The following DCC variants were observed in gnomAD, a reference collection of about 807,000 sequenced individuals.
DCC encodes netrin receptor DCC.
Under a neutral mutation model 172.5 loss-of-function variants are expected in DCC, and 58 were observed. That is an observed-to-expected ratio of 0.34 (90% CI 0.27 to 0.42). The LOEUF (loss-of-function observed/expected upper bound fraction) is 0.42, where lower values mean the gene tolerates loss of function less well. DCC is among the 10% of genes least tolerant of loss of function. The pLI, the probability that DCC is intolerant of heterozygous loss-of-function variation, is 1.00. For synonymous variants in DCC, 709 were observed against 644.5 expected, an observed-to-expected ratio of 1.10 and a Z score of -1.52; for missense variants, 1,740 against 1,791.0, an observed-to-expected ratio of 0.97 and a Z score of 0.51.
intron 5 of DCC, among the ~76,000 whole-genome samples, chr18:53,002,202 A>G (rs902574396): frequency 6.6e-6 from 1 of 152,070 alleles, no homozygotes; most frequent in Non-Finnish European, 1.5e-5. Context: ...ATACAGCAAA[A>G]AGTTTTCTGG....
chr18:52,846,149 A>G (rs1014851584), intron 2 of DCC, among the ~76,000 whole-genome samples: 1 of 152,212 alleles, frequency 6.6e-6, no homozygotes, highest in Non-Finnish European at 1.5e-5. Flanking sequence ...CTCCTCTCAC[A>G]GGAAGCATGG....
chr18:53,042,485 G>A (rs1237721716), intron 5 of DCC, among the ~76,000 whole-genome samples: 2 of 151,812 alleles, frequency 1.3e-5, no homozygotes, highest in African/African-American at 4.8e-5. Flanking sequence ...TTGTATCTCT[G>A]CCAGGTTTTG....
At position 53,416,511 on chromosome 18, in the gene DCC, T is replaced by C. The variant is rs931830796; in HGVS notation, c.3163+355T>C. The C allele has an allele frequency of 3.2e-5, 12 of 373,852 alleles. 1 individual carries two copies. Among genetic ancestry groups the C allele is most frequent in the South Asian group, 2.9e-4 (12 of 40,704 alleles). 23.2% of individuals were successfully genotyped at this position (373,852 alleles called of 1,614,324 possible). On this transcript the variant is annotated intron_variant, in intron 21 of 28. Transcript: ENST00000442544. ...TTCAAGCTGCTCTTGCACCCTTTCCTGAGCTATGGATTAAAGTTCTGTAGC... is the reference window on the plus strand; with the variant it reads ...TTCAAGCTGCTCTTGCACCCTTTCCCGAGCTATGGATTAAAGTTCTGTAGC...
At chr18:52,400,201 C>T (rs527861101) in intron 1 of DCC, among the ~76,000 whole-genome samples, 15 of 152,032 alleles carry the variant, frequency 9.9e-5, no homozygotes, top group South Asian at 6.2e-4. Context: ...GTATGTTCAT[C>T]CTGTCAATTC....
intron 1 of DCC, among the ~76,000 whole-genome samples, chr18:52,498,060 A>G (rs1409197208): frequency 6.6e-6 from 1 of 152,202 alleles, no homozygotes; most frequent in African/African-American, 2.4e-5. Flanking sequence ...GCTATAATAA[A>G]ACTTCACTTA....
chr18:53,231,226 T>G (rs1369240214), intron 12 of DCC, among the ~76,000 whole-genome samples: 1 of 152,092 alleles, frequency 6.6e-6, no homozygotes, highest in African/African-American at 2.4e-5. Flanking sequence ...AAGGAAGAAG[T>G]ATCTATCATG....
chr18:52,963,858 GCAT>G (rs1242097947), intron 5 of DCC, among the ~76,000 whole-genome samples: 2 of 150,358 alleles, frequency 1.3e-5, no homozygotes, highest in African/African-American at 4.9e-5. Context: ...AACTCTCAGA[GCAT>G]CATCAAGTGT....
At chr18:52,561,585 A>G (rs1328093629) in intron 1 of DCC, among the ~76,000 whole-genome samples, 2 of 152,170 alleles carry the variant, frequency 1.3e-5, no homozygotes, top group Non-Finnish European at 2.9e-5. Context: ...GCGAATGTGG[A>G]AACACTAAGT....
intron 1 of DCC, among the ~76,000 whole-genome samples, chr18:52,342,605 G>C (rs1225757939): frequency 6.6e-6 from 1 of 152,172 alleles, no homozygotes; most frequent in African/African-American, 2.4e-5. Flanking sequence ...AGCAGTTTGG[G>C]AGACCTATGC....
At chr18:53,201,133 A>T (rs558730421) in intron 9 of DCC, among the ~76,000 whole-genome samples, 1 of 152,168 alleles carries the variant, frequency 6.6e-6, no homozygotes, top group East Asian at 1.9e-4. Flanking sequence ...CTTCCCCCAG[A>T]TACCCACTCA....
chr18:53,505,558 A>G (rs575726182), intron 27 of DCC, among the ~76,000 whole-genome samples: 1 of 152,202 alleles, frequency 6.6e-6, no homozygotes, highest in Non-Finnish European at 1.5e-5. Flanking sequence ...TTACAAGAAA[A>G]TATCGCATCA....
At chr18:52,860,503 G>A (rs550398928) in intron 2 of DCC, among the ~76,000 whole-genome samples, 46 of 152,292 alleles carry the variant, frequency 3.0e-4, no homozygotes, top group Admixed American at 7.2e-4. Flanking sequence ...AAAACAATGG[G>A]CAGGGCTAGA....
intron 10 of DCC, among the ~76,000 whole-genome samples, chr18:53,206,056 C>A (rs1379671791): frequency 6.7e-5 from 2 of 30,044 alleles, no homozygotes; most frequent in Non-Finnish European, 1.4e-4. Flanking sequence ...AATATGTATA[C>A]CTATATAATA....
intron 15 of DCC, among the ~76,000 whole-genome samples, chr18:53,351,686 A>G (rs1295466698): frequency 6.6e-6 from 1 of 151,118 alleles, no homozygotes; most frequent in East Asian, 1.9e-4. Context: ...ATTAAATTCA[A>G]GCATTCAAAG....
chr18:52,902,013 G>A (rs1355218542), intron 2 of DCC, among the ~76,000 whole-genome samples: 2 of 152,160 alleles, frequency 1.3e-5, no homozygotes, highest in Non-Finnish European at 2.9e-5. Flanking sequence ...TTTTGATTGA[G>A]TACCTAAAAC....
intron 27 of DCC, among the ~76,000 whole-genome samples, chr18:53,502,246 C>A (rs549622523): frequency 6.6e-6 from 1 of 152,116 alleles, no homozygotes; most frequent in Admixed American, 6.5e-5. Context: ...TCCTCTCCCC[C>A]ACTCAACTGG....
At chr18:52,666,272 C>A (rs914696439) in intron 1 of DCC, among the ~76,000 whole-genome samples, 2 of 151,484 alleles carry the variant, frequency 1.3e-5, no homozygotes, top group Non-Finnish European at 2.9e-5. Context: ...CCAGCTTGGG[C>A]GACAGAGTGA....
At chr18:53,495,856 T>A (rs766890730) in intron 26 of DCC, among the ~76,000 whole-genome samples, 53 of 152,150 alleles carry the variant, frequency 3.5e-4, no homozygotes, top group South Asian at 8.3e-4. Context: ...TTTATTTCAT[T>A]AAGTTGATTT....
chr18:53,078,400 A>T (rs2042750977), intron 7 of DCC, among the ~76,000 whole-genome samples: 2 of 152,188 alleles, frequency 1.3e-5, no homozygotes, highest in Non-Finnish European at 2.9e-5. Flanking sequence ...TTAAGTCTTT[A>T]AAGTTAGTCT....
Sources: allele counts gnomAD v4.1 joint callset (sites outside exome capture counted in the v4.1 genomes callset), GRCh38; gene constraint gnomAD v4.1.1; transcripts MANE v1.5; gene names NCBI Gene and HGNC (gene_info 2026-07-23, HGNC 2026-07-21).